The following FHIT variants were observed in gnomAD, a reference collection of about 807,000 sequenced individuals.
FHIT encodes fragile histidine triad diadenosine triphosphatase.
In FHIT, 19 loss-of-function variants were observed where a neutral mutation model predicts 17.9. That is an observed-to-expected ratio of 1.06 (90% CI 0.74 to 1.56). The LOEUF is 1.56. Ranked by LOEUF, FHIT falls within the 40% of genes most tolerant of loss-of-function variation. The pLI is 0.00. For missense variants in FHIT, 248 were observed against 189.2 expected, an observed-to-expected ratio of 1.31 and a Z score of -1.82; for synonymous variants, 81 against 69.7, an observed-to-expected ratio of 1.16 and a Z score of -0.81.
chr3:60,673,738 T>C lies in FHIT; in HGVS notation c.-17-136759A>G, dbSNP rs192061092. On this transcript the variant is annotated intron_variant, in intron 4 of 9. Transcript: ENST00000492590. ...TTAAAAATGTCATTCTATTGTCTTC[T>C]GGCTTGAATAGTTTTTATTTAGGAG... 4.9e-3 allele frequency among the ~76,000 whole-genome samples: 746 copies of C among 152,334 alleles called. 5 individuals carry two copies. Among genetic ancestry groups the C allele is most frequent in the African/African-American group, 0.016 (683 of 41,584 alleles).
chr3:60,237,748 G>A (rs1704882922), intron 5 of FHIT, among the ~76,000 whole-genome samples: 1 of 152,100 alleles, frequency 6.6e-6, no homozygotes, highest in South Asian at 2.1e-4. Flanking sequence ...CATAAAAACT[G>A]AAGATGTCTC....
intron 3 of FHIT, among the ~76,000 whole-genome samples, chr3:60,910,817 CT>C (rs1428574804): frequency 2.0e-5 from 3 of 152,172 alleles, no homozygotes; most frequent in Non-Finnish European, 4.4e-5. Flanking sequence ...AGATTCACCC[CT>C]GGGAGAGACA....
chr3:60,846,261 AATG>A (rs1702921494), intron 3 of FHIT, among the ~76,000 whole-genome samples: 1 of 152,228 alleles, frequency 6.6e-6, no homozygotes, highest in African/African-American at 2.4e-5. Flanking sequence ...TATATTTGTA[AATG>A]ATATCTGTCT....
At chr3:60,177,738 A>G (rs976333176) in intron 5 of FHIT, among the ~76,000 whole-genome samples, 2 of 152,256 alleles carry the variant, frequency 1.3e-5, no homozygotes, top group Non-Finnish European at 2.9e-5. Flanking sequence ...TGATATGATC[A>G]TCTACCTTTC....
chr3:60,023,990 G>GT (rs1700646642), intron 5 of FHIT, among the ~76,000 whole-genome samples: 1 of 94,508 alleles, frequency 1.1e-5, no homozygotes, highest in African/African-American at 5.5e-5. Flanking sequence ...ATACTTCATG[G>GT]TAAAAAAAAA....
intron 3 of FHIT, among the ~76,000 whole-genome samples, chr3:61,022,658 G>A (rs1181922085): frequency 2.0e-5 from 3 of 152,174 alleles, no homozygotes; most frequent in Non-Finnish European, 2.9e-5. Flanking sequence ...GATCAAGTTG[G>A]CTTAATCCCT....
intron 5 of FHIT, among the ~76,000 whole-genome samples, chr3:60,152,977 A>G (rs1331769206): frequency 6.6e-6 from 1 of 152,192 alleles, no homozygotes; most frequent in African/African-American, 2.4e-5. Flanking sequence ...CTGGACATGC[A>G]GTGTGATGAA....
intron 5 of FHIT, among the ~76,000 whole-genome samples, chr3:60,103,993 C>T (rs1472632334): frequency 3.9e-5 from 6 of 152,138 alleles, no homozygotes; most frequent in Non-Finnish European, 8.8e-5. Flanking sequence ...TCCTATGCTC[C>T]TATCAGATAT....
chr3:59,758,516 T>C (rs1028404968), intron 8 of FHIT, among the ~76,000 whole-genome samples: 2 of 152,172 alleles, frequency 1.3e-5, no homozygotes, highest in Non-Finnish European at 2.9e-5. Context: ...GAGAAACTTA[T>C]TCCCTTTTCA....
intron 5 of FHIT, among the ~76,000 whole-genome samples, chr3:60,131,419 CA>C (rs1432486913): frequency 6.6e-6 from 1 of 152,062 alleles, no homozygotes; most frequent in African/African-American, 2.4e-5. Context: ...GGTCCAACTC[CA>C]TTTTTAACCA....
intron 2 of FHIT, among the ~76,000 whole-genome samples, chr3:61,192,109 T>A (rs2038735138): frequency 6.6e-6 from 1 of 152,110 alleles, no homozygotes. Flanking sequence ...ATCTTAGAAC[T>A]ATGAAGGCAG....
intron 5 of FHIT, among the ~76,000 whole-genome samples, chr3:60,164,433 A>G (rs1701068767): frequency 6.6e-6 from 1 of 152,214 alleles, no homozygotes; most frequent in African/African-American, 2.4e-5. Flanking sequence ...ACGACCTGAC[A>G]TCTTTGCCCA....
At chr3:60,820,944 G>C (rs145086514) in intron 4 of FHIT, among the ~76,000 whole-genome samples, 1,548 of 148,412 alleles carry the variant, frequency 0.01, 14 homozygotes, top group Middle Eastern at 0.028. Context: ...TACCAGATTA[G>C]TGCATTGCTC....
At chr3:59,888,821 C>T (rs1236762230) in intron 8 of FHIT, among the ~76,000 whole-genome samples, 1 of 152,130 alleles carries the variant, frequency 6.6e-6, no homozygotes, top group Non-Finnish European at 1.5e-5. Flanking sequence ...TTATAATAAA[C>T]AGAAATTTAT....
intron 8 of FHIT, among the ~76,000 whole-genome samples, chr3:59,825,203 T>C (rs1259068341): frequency 6.6e-6 from 1 of 152,228 alleles, no homozygotes; most frequent in East Asian, 1.9e-4. Context: ...TCTTATTGCC[T>C]GTTTGCTTTA....
Position 60,753,710 on chromosome 3 carries a change from A to G in FHIT, c.-18+68209T>C, listed in dbSNP as rs184047165. The stretch of plus-strand genomic sequence containing the variant: ...AGTACCTCTTGTGGGAACTCACAAG[A>G]TACAGATGAAAACAAAAGAAGAAAG... On this transcript the variant is annotated intron_variant, in intron 4 of 9. Coordinates refer to ENST00000492590, the MANE Select transcript of FHIT (RefSeq NM_002012.4). 4.6e-5 allele frequency among the ~76,000 whole-genome samples: 7 copies of G among 152,324 alleles called. 1 individual carries two copies. The East Asian group carries it at 9.6e-4, about 21-fold the overall frequency.
intron 5 of FHIT, among the ~76,000 whole-genome samples, chr3:60,489,963 C>T (rs375815341): frequency 2.6e-5 from 4 of 152,010 alleles, no homozygotes; most frequent in South Asian, 2.1e-4. Context: ...TCTTCATGTA[C>T]GACATGACAG....
At chr3:60,672,904 T>TGTGTGTGTGTGC (rs1159104600) in intron 4 of FHIT, among the ~76,000 whole-genome samples, 18 of 151,350 alleles carry the variant, frequency 1.2e-4, no homozygotes, top group Non-Finnish European at 1.9e-4. Flanking sequence ...TGTGTGTGTG[T>TGTGTGTGTGTGC]GTGCATGCAT....
chr3:60,932,874 C>T (rs1450742084), intron 3 of FHIT, among the ~76,000 whole-genome samples: 4 of 152,156 alleles, frequency 2.6e-5, no homozygotes, highest in African/African-American at 9.7e-5. Flanking sequence ...CCACAACCAA[C>T]CACTCACCCT....
Sources: allele counts gnomAD v4.1 joint callset (sites outside exome capture counted in the v4.1 genomes callset), GRCh38; gene constraint gnomAD v4.1.1; transcripts MANE v1.5; gene names NCBI Gene and HGNC (gene_info 2026-07-23, HGNC 2026-07-21).